ANK2: variants seen among roughly 807,000 people sequenced by gnomAD.
ANK2 encodes ankyrin 2, also known as ankyrin-2.
A neutral mutation model predicts 360.5 loss-of-function variants in ANK2; 83 were observed. The observed-to-expected ratio is 0.23, with a 90% confidence interval of 0.19 to 0.28. ANK2 has a LOEUF of 0.28. Among genes scored for constraint, ANK2 ranks in the 10% least tolerant of loss-of-function variants. The pLI is 1.00. For synonymous variants in ANK2, 1,740 were observed against 1,759.5 expected (o/e 0.99, Z 0.28); for missense variants, 4,201 against 4,795.7 (o/e 0.88, Z 3.66).
At chr4:112,827,620 C>A in intron 1 of ANK2, 1 of 850,672 alleles carries the variant, frequency 1.2e-6, no homozygotes, top group South Asian at 1.5e-5. Context: ...ACTCTACTCT[C>A]CATCCAGATC....
chr4:112,712,695 CTG>C, the ANK2 span, among the ~76,000 whole-genome samples: 5 of 152,114 alleles, frequency 3.3e-5, no homozygotes. Flanking sequence ...GCATGAGCCA[CTG>C]CGCCCGGCCA....
intron 2 of ANK2, among the ~76,000 whole-genome samples, chr4:112,952,499 T>A (rs1260000024): frequency 6.6e-6 from 1 of 152,202 alleles, no homozygotes; most frequent in Non-Finnish European, 1.5e-5. Flanking sequence ...TGCAGAGCCA[T>A]GAAAGAGACC....
intron 1 of ANK2, among the ~76,000 whole-genome samples, chr4:113,089,899 ATTCT>A (rs1350523409): frequency 6.6e-6 from 1 of 152,190 alleles, no homozygotes; most frequent in African/African-American, 2.4e-5. Flanking sequence ...AGGGCATATA[ATTCT>A]TTCTTCTAGA....
chr4:112,985,575 G>T (rs948919047), intron 2 of ANK2, among the ~76,000 whole-genome samples: 1 of 152,148 alleles, frequency 6.6e-6, no homozygotes, highest in Non-Finnish European at 1.5e-5. Flanking sequence ...GATTTATGAG[G>T]GCATTAGTTA....
At chr4:113,283,436 G>A (rs989069765) in intron 18 of ANK2, among the ~76,000 whole-genome samples, 1 of 152,106 alleles carries the variant, frequency 6.6e-6, no homozygotes, top group Non-Finnish European at 1.5e-5. Context: ...TGAGAGGTTT[G>A]GTGGTGGTGG....
At chr4:112,712,196 C>G in the ANK2 span, among the ~76,000 whole-genome samples, 1 of 149,966 alleles carries the variant, frequency 6.7e-6, no homozygotes, top group Non-Finnish European at 1.5e-5. Flanking sequence ...TATTCTGCCT[C>G]AGACTCCCGA....
chr4:112,991,328 C>T (rs1483077199), intron 2 of ANK2, among the ~76,000 whole-genome samples: 1 of 151,694 alleles, frequency 6.6e-6, no homozygotes, highest in East Asian at 1.9e-4. Context: ...TTGCTGCATT[C>T]ATGTCTGTAT....
At chr4:113,296,710 T>C (rs2153764832) in intron 22 of ANK2, among the ~76,000 whole-genome samples, 1 of 152,296 alleles carries the variant, frequency 6.6e-6, no homozygotes, top group Admixed American at 6.5e-5. Flanking sequence ...AGCATTCTCC[T>C]GGGATTACAA....
chr4:113,105,906 A>G (rs1358008420), intron 1 of ANK2, among the ~76,000 whole-genome samples: 2 of 152,234 alleles, frequency 1.3e-5, no homozygotes, highest in Non-Finnish European at 2.9e-5. Context: ...TTAACCTACA[A>G]TGAAGTTAAG....
chr4:112,863,432 C>T (rs1452658325), intron 1 of ANK2, among the ~76,000 whole-genome samples: 1 of 150,280 alleles, frequency 6.7e-6, no homozygotes, highest in Non-Finnish European at 1.5e-5. Flanking sequence ...GATTAGATTT[C>T]AGCATTATTT....
chr4:112,732,098 A>G, the ANK2 span, among the ~76,000 whole-genome samples: 1 of 152,244 alleles, frequency 6.6e-6, no homozygotes, highest in African/African-American at 2.4e-5. Context: ...TAAGTGCTAC[A>G]AAGCTACAGA....
the ANK2 span, among the ~76,000 whole-genome samples, chr4:112,781,584 T>A: frequency 6.6e-6 from 1 of 152,128 alleles, no homozygotes; most frequent in Non-Finnish European, 1.5e-5. Flanking sequence ...CAATCAATTG[T>A]AAAGCATGGC....
chr4:113,242,076 C>T (rs768751569), intron 8 of ANK2, 35 bp from the exon 9 acceptor site: 3 of 1,564,152 alleles, frequency 1.9e-6, no homozygotes, highest in Non-Finnish European at 2.6e-6. Context: ...CCCTGTCATA[C>T]CCAACAGCTC....
Position 113,127,944 on chromosome 4 carries a change from G to A in ANK2, c.85-46472G>A, listed in dbSNP as rs183318437. 2.8e-3 allele frequency among the ~76,000 whole-genome samples: 419 copies of A among 151,950 alleles called. 1 individual carries two copies. Among genetic ancestry groups the A allele is most frequent in the African/African-American group, 9.7e-3 (400 of 41,442 alleles). ...AGGAATAAAGAAAAAAGAGAAGAGTGAATAAAAATAACTTTAAAGTTATAT... is the reference window on the plus strand; with the variant it reads ...AGGAATAAAGAAAAAAGAGAAGAGTAAATAAAAATAACTTTAAAGTTATAT... On this transcript the variant is annotated intron_variant, in intron 1 of 45. Transcript: ENST00000357077.
the ANK2 span, among the ~76,000 whole-genome samples, chr4:112,729,282 G>A: frequency 3.8e-4 from 58 of 150,778 alleles, no homozygotes; most frequent in Admixed American, 2.6e-4. Context: ...ACAATATGAA[G>A]TTTTCTGAAA....
chr4:112,907,447 A>G (rs1177511559), intron 2 of ANK2, among the ~76,000 whole-genome samples: 1 of 152,206 alleles, frequency 6.6e-6, no homozygotes, highest in Admixed American at 6.5e-5. Flanking sequence ...TATTCTGATT[A>G]CAGTGGGCAT....
At chr4:112,886,979 C>T (rs2150563669) in intron 1 of ANK2, among the ~76,000 whole-genome samples, 1 of 152,232 alleles carries the variant, frequency 6.6e-6, no homozygotes, top group Non-Finnish European at 1.5e-5. Flanking sequence ...CAATTTTTTG[C>T]TAATATTTAA....
At chr4:113,031,843 T>C (rs1374924008) in intron 2 of ANK2, among the ~76,000 whole-genome samples, 1 of 152,062 alleles carries the variant, frequency 6.6e-6, no homozygotes, top group Non-Finnish European at 1.5e-5. Flanking sequence ...TGCAAGGGTA[T>C]GCAAAACCTG....
intron 1 of ANK2, chr4:112,826,496 G>GTTACATCTACTTGTT: frequency 2.6e-6 from 3 of 1,167,796 alleles, no homozygotes; most frequent in Non-Finnish European, 3.8e-6. Flanking sequence ...CATCTACTGG[G>GTTACATCTACTTGTT]ACCACATCTG....
Sources: gnomAD v4.1 joint callset for allele counts (sites outside exome capture counted in the v4.1 genomes callset) on GRCh38, gnomAD v4.1.1 for gene constraint, MANE v1.5 for transcripts, NCBI Gene and HGNC (gene_info 2026-07-23, HGNC 2026-07-21) for gene names.